BSN: variants seen among roughly 807,000 people sequenced by gnomAD.
The protein encoded by BSN is protein bassoon.
A neutral mutation model predicts 264.8 loss-of-function variants in BSN; 57 were observed. That is an observed-to-expected ratio of 0.22 (90% confidence interval 0.17 to 0.27). The LOEUF (loss-of-function observed/expected upper bound fraction) is 0.27, where lower values mean the gene tolerates loss of function less well. Among genes scored for constraint, BSN ranks in the 10% least tolerant of loss-of-function variants. BSN has a pLI of 1.00. For missense variants in BSN, 4,615 were observed against 5,232.5 expected (o/e 0.88, Z 3.64); for synonymous variants, 2,059 against 2,137.3 (o/e 0.96, Z 1.01).
chr3:49,653,088 G>C lies in BSN; in HGVS notation c.3532G>C (p.Gly1178Arg). ...CGGCAGCTCCACCACTCCCAGTTCCGGACGGCCGCTCAAGAGCGCTGAGGA... is the reference window on the plus strand; with the variant it reads ...CGGCAGCTCCACCACTCCCAGTTCCCGACGGCCGCTCAAGAGCGCTGAGGA... Reference protein sequence around the residue: ...PSGSSTTPSSGRPLKSAEEAY... With the variant: ...PSGSSTTPSSRRPLKSAEEAY... The change falls in exon 5 of 12, where the codon GGA becomes CGA. Residue 1178 changes from glycine (G) to arginine (R), a missense_variant. Transcript: ENST00000296452. This position sits in a 1 kb window ranked among gnomAD's most constrained non-coding sequence, Gnocchi z 6.3. The C allele has an allele frequency of 6.2e-7, 1 of 1,613,532 alleles. No homozygotes were observed. The highest frequency in any genetic ancestry group is 1.7e-5 in the Admixed American group (1 of 60,022).
In BSN at chr3:49,655,619, C is replaced by T; in HGVS notation, c.6063C>T (p.His2021=). The part of the protein sequence containing the change: ...DSAMDLSSLK[H]SYSLGFADGR... ...CTATGGACCTCAGCTCACTGAAGCA[C>T]TCCTACAGCCTGGGCTTTGCGGATG... The change falls in exon 5 of 12, where the codon CAC becomes CAT. Residue 2021 remains histidine (H), a synonymous_variant. Coordinates refer to ENST00000296452, the MANE Select transcript of BSN (RefSeq NM_003458.4). The T allele has an allele frequency of 6.2e-7, 1 of 1,613,748 alleles. No individual in the cohort carries two copies. The highest frequency in any genetic ancestry group is 8.5e-7 in the Non-Finnish European group (1 of 1,180,008).
chr3:49,581,169 A>C (rs759805674), intron 1 of BSN, among the ~76,000 whole-genome samples: 2 of 151,842 alleles, frequency 1.3e-5, no homozygotes, highest in Non-Finnish European at 1.5e-5. Flanking sequence ...TTTAGTAGTA[A>C]AGACTGGGTT....
chr3:49,565,052 A>C (rs1370013191), intron 1 of BSN, among the ~76,000 whole-genome samples: 1 of 151,324 alleles, frequency 6.6e-6, no homozygotes, highest in Non-Finnish European at 1.5e-5. Flanking sequence ...TCTCTCCTGC[A>C]AACCTACCAC....
chr3:49,643,727 T>C (rs1390230991), intron 3 of BSN, among the ~76,000 whole-genome samples: 1 of 152,208 alleles, frequency 6.6e-6, no homozygotes, highest in African/African-American at 2.4e-5. Context: ...CAGCCTTTGG[T>C]CCACATGTTT....
chr3:49,659,813 G>A (rs1397810595), intron 5 of BSN, among the ~76,000 whole-genome samples: 3 of 152,168 alleles, frequency 2.0e-5, no homozygotes, highest in African/African-American at 4.8e-5. Flanking sequence ...GTTGACCGAG[G>A]GACATGGAGG....
At position 49,638,868 on chromosome 3, in the gene BSN, C is replaced by T. The variant is rs1347505833; in HGVS notation, c.634-3400C>T. On this transcript the variant is annotated intron_variant, in intron 2 of 11. Transcript: ENST00000296452. The surrounding 1 kb of genome is among the most constrained non-coding windows in gnomAD (Gnocchi z 4.3). ...CCTTTCCCAGGAAGAAGTCTCACCTCAGGGCATGCTGCAGTGCCCAGGTGA... is the reference window on the plus strand; with the variant it reads ...CCTTTCCCAGGAAGAAGTCTCACCTTAGGGCATGCTGCAGTGCCCAGGTGA... 6.6e-6 allele frequency among the ~76,000 whole-genome samples: 1 copy of T among 152,204 alleles called. No individual in the cohort carries two copies. The highest frequency in any genetic ancestry group is 2.4e-5 in the African/African-American group (1 of 41,456).
intron 1 of BSN, among the ~76,000 whole-genome samples, chr3:49,608,290 A>G (rs1055445074): frequency 6.6e-6 from 1 of 152,232 alleles, no homozygotes; most frequent in South Asian, 2.1e-4. Context: ...TTGGCAAGAA[A>G]GGAAAACAGA....
chr3:49,625,114 G>A lies in BSN; in HGVS notation c.364G>A (p.Ala122Thr). The change falls in exon 2 of 12, where the codon GCT (alanine) becomes ACT (threonine). Residue 122 changes from alanine (A) to threonine (T), a missense_variant. Physicochemically the swap from Ala to Thr is moderately conservative, Grantham distance 58. Coordinates refer to ENST00000296452, the MANE Select transcript of BSN (RefSeq NM_003458.4). This position sits in a 1 kb window ranked among gnomAD's most constrained non-coding sequence, Gnocchi z 4.4. Reference protein sequence around the residue: ...TRAQGPAGQEADGPRRTLQVD... With the variant: ...TRAQGPAGQETDGPRRTLQVD... ...GGCACAGGGACCAGCAGGCCAGGAG[G>A]CTGATGGTCCCCGCAGGACGCTGCA... 1 of 1,603,826 alleles carries A rather than the reference G, an allele frequency of 6.2e-7. No homozygotes were observed. Among genetic ancestry groups the A allele is most frequent in the Non-Finnish European group, 8.5e-7 (1 of 1,175,246 alleles).
intron 1 of BSN, among the ~76,000 whole-genome samples, chr3:49,574,391 T>A (rs951411960): frequency 6.6e-6 from 1 of 152,106 alleles, no homozygotes; most frequent in African/African-American, 2.4e-5. Flanking sequence ...TCTGGCAGGT[T>A]CCCCACAGGA....
chr3:49,625,066 C>A lies in BSN; in HGVS notation c.316C>A (p.His106Asn). 3 of 1,606,808 alleles carry A rather than the reference C, an allele frequency of 1.9e-6. No homozygotes were observed. Among genetic ancestry groups the A allele is most frequent in the Non-Finnish European group, 2.5e-6 (3 of 1,176,982 alleles). Reference sequence around the variant, plus strand: ...GCAGGCTTCTGCTACCACTCCTGGCCATGAGAGCCCCCGAGAGACAAGGGC... The same window carrying A: ...GCAGGCTTCTGCTACCACTCCTGGCAATGAGAGCCCCCGAGAGACAAGGGC... ...PKQASATTPGHESPRETRAQG... is the reference protein window; with the variant it reads ...PKQASATTPGNESPRETRAQG... The change falls in exon 2 of 12, where the codon CAT (histidine) becomes AAT (asparagine). Residue 106 changes from histidine to asparagine, a missense_variant. This residue lies in a region of BSN where 1,197 missense variants were observed against 1,348.0 expected (regional missense o/e 0.89). Coordinates refer to ENST00000296452, the MANE Select transcript of BSN (RefSeq NM_003458.4). This position sits in a 1 kb window ranked among gnomAD's most constrained non-coding sequence, Gnocchi z 4.4.
intron 1 of BSN, among the ~76,000 whole-genome samples, chr3:49,601,379 C>T (rs747048228): frequency 4.6e-5 from 7 of 152,180 alleles, no homozygotes; most frequent in South Asian, 2.1e-4. Context: ...TACTTCTGGG[C>T]GTGACAGCAT....
rs564597250 is a variant in BSN at position 49,642,392 on chromosome 3, C to T, written c.758C>T (p.Pro253Leu). The stretch of plus-strand genomic sequence containing the variant: ...CCAGCCCTGTCTCCTGCCCACTCCC[C>T]GGCCAAACAGCCCCTGGGGAAGCCA... ...HSPALSPAHS[P>L]AKQPLGKPDQ... is the part of the protein sequence containing the mutation. The change falls in exon 3 of 12, where the codon CCG becomes CTG. Residue 253 changes from proline to leucine, a missense_variant. Physicochemically the swap from Pro to Leu is moderately conservative, Grantham distance 98. Transcript: ENST00000296452. This position sits in a 1 kb window ranked among gnomAD's most constrained non-coding sequence, Gnocchi z 7.0. 3.1e-5 allele frequency: 50 copies of T among 1,600,562 alleles called. 1 individual carries two copies. The highest frequency in any genetic ancestry group is 1.2e-4 in the South Asian group (11 of 89,006).
intron 3 of BSN, among the ~76,000 whole-genome samples, chr3:49,648,105 T>C (rs1048386801): frequency 6.6e-6 from 1 of 152,260 alleles, no homozygotes; most frequent in African/African-American, 2.4e-5. Flanking sequence ...TGCTGAGAGC[T>C]GGGCCTCTGG....
chr3:49,574,166 C>A (rs1466479247), intron 1 of BSN, among the ~76,000 whole-genome samples: 1 of 134,792 alleles, frequency 7.4e-6, no homozygotes, highest in Admixed American at 7.8e-5. Context: ...TGGGGTTTCG[C>A]CATGTTGCCC....
intron 1 of BSN, among the ~76,000 whole-genome samples, chr3:49,612,251 C>T (rs1174022931): frequency 1.3e-5 from 2 of 152,096 alleles, no homozygotes; most frequent in African/African-American, 2.4e-5. Context: ...TCCTCCTTCC[C>T]CAGCCTCCCA....
chr3:49,654,964 A>G lies in BSN; in HGVS notation c.5408A>G (p.Asn1803Ser). The G allele has an allele frequency of 6.2e-7, 1 of 1,612,580 alleles. No individual in the cohort carries two copies. The highest frequency in any genetic ancestry group is 8.5e-7 in the Non-Finnish European group (1 of 1,179,428). Reference sequence around the variant, plus strand: ...AGGGAGGCCAAGTTTGCCAGATATAACCTACCCAACCAAGTAGCTCCTCTG... The same window carrying G: ...AGGGAGGCCAAGTTTGCCAGATATAGCCTACCCAACCAAGTAGCTCCTCTG... ...RPREAKFARY[N>S]LPNQVAPLAR... Residue 1803 changes from asparagine to serine, a missense_variant, in exon 5 of 12, where the codon AAC (asparagine) becomes AGC (serine). Asn to Ser is a conservative substitution (Grantham distance 46). Around this residue, in one of 3 missense-constraint regions of BSN, gnomAD observed 3,415 missense variants for 3,866.4 expected, o/e 0.88. Transcript: ENST00000296452. The surrounding 1 kb of genome is among the most constrained non-coding windows in gnomAD (Gnocchi z 4.1).
Position 49,656,684 on chromosome 3 carries a change from G to A in BSN, c.7128G>A (p.Glu2376=). The change falls in exon 5 of 12, where the codon GAG becomes GAA. Residue 2376 remains glutamate (E), a synonymous_variant. Transcript: ENST00000296452. ...RKQQEQLLQL[E]RERVELEKLR... is the part of the protein sequence containing the mutation. ...AACAGGAGCAGCTGCTCCAGCTAGA[G>A]CGGGAGCGGGTGGAGTTGGAGAAGC... is the stretch of plus-strand genomic sequence containing the variant. 2.5e-6 allele frequency: 4 copies of A among 1,595,648 alleles called. No homozygotes were observed. Among genetic ancestry groups the A allele is most frequent in the Non-Finnish European group, 3.4e-6 (4 of 1,170,944 alleles).
At chr3:49,645,830 G>A (rs944567901) in intron 3 of BSN, among the ~76,000 whole-genome samples, 2 of 152,234 alleles carry the variant, frequency 1.3e-5, no homozygotes, top group Non-Finnish European at 2.9e-5. Context: ...TGGGAGTGTG[G>A]TGGTAAGGCC....
Position 49,662,412 on chromosome 3 carries a change from C to T in BSN, c.10567C>T (p.Pro3523Ser), listed in dbSNP as rs760417651. Residue 3523 changes from proline to serine, a missense_variant, in exon 6 of 12, where the codon CCC becomes TCC. Physicochemically the swap from Pro to Ser is moderately conservative, Grantham distance 74. This residue lies in a region of BSN where 3,415 missense variants were observed against 3,866.4 expected (regional missense o/e 0.88). Transcript: ENST00000296452. ...RPRPAGGPLP[P>S]GGDTCPQFCS... Reference sequence around the variant, plus strand: ...CCGCCCTGCCGGAGGGCCCCTCCCTCCCGGCGGGGATACCTGCCCACAGTT... The same window carrying T: ...CCGCCCTGCCGGAGGGCCCCTCCCTTCCGGCGGGGATACCTGCCCACAGTT... The T allele has an allele frequency of 1.9e-6, 3 of 1,613,536 alleles. No individual in the cohort carries two copies. The highest frequency in any genetic ancestry group is 2.5e-6 in the Non-Finnish European group (3 of 1,180,016).
Sources: gnomAD v4.1 joint callset for allele counts (sites outside exome capture counted in the v4.1 genomes callset) on GRCh38, gnomAD v4.1.1 for gene constraint, gnomAD v4.1.1 regional missense constraint, Gnocchi (gnomAD v3.1) non-coding constraint, MANE v1.5 for transcripts, NCBI Gene and HGNC (gene_info 2026-07-23, HGNC 2026-07-21) for gene names.